Variants in SCGB2B2 observed in about 807,000 individuals in gnomAD.
SCGB2B2 encodes the protein secretoglobin family 2B member 2.
In SCGB2B2, 11 loss-of-function variants were observed where a neutral mutation model predicts 7.6. The ratio of observed to expected loss-of-function variants is 1.45; its 90% CI spans 0.91 to 2.40. The LOEUF (loss-of-function observed/expected upper bound fraction) is 2.40. Ranked by LOEUF, SCGB2B2 falls within the 30% of genes most tolerant of loss-of-function variation. SCGB2B2 has a pLI of 0.00. For synonymous variants in SCGB2B2, 50 were observed against 48.6 expected (o/e 1.03, Z -0.12); for missense variants, 104 against 115.4 (o/e 0.90, Z 0.45).
Position 34,594,501 on chromosome 19 carries a change from A to G in SCGB2B2, c.61+2T>C, listed in dbSNP as rs570664315. The G allele has an allele frequency of 1.1e-4, 173 of 1,613,734 alleles. No individual in the cohort carries two copies. The highest frequency in any genetic ancestry group is 1.4e-4 in the Non-Finnish European group (167 of 1,179,902). On this transcript the variant is annotated splice_donor_variant, in intron 2 of 3. Transcript: ENST00000601241. LOFTEE classifies it high-confidence loss of function. ...TCCCAGCCCTGCTCGCCTCTTTCTT[A>G]CCCAGCTGGACGCTGCAGATCAGAG...
chr19:34,635,045 G>T, intron 1 of SCGB2B2: 1 of 290,440 alleles, frequency 3.4e-6, no homozygotes, highest in Non-Finnish European at 7.2e-6. Flanking sequence ...CTCCAATGCC[G>T]AGCAAGTGTG....
rs1159738887 is a variant in SCGB2B2, at chr19:34,642,851, C to T, written c.-2032+32779G>A. 4.2e-5 allele frequency among the ~76,000 whole-genome samples: 6 copies of T among 142,636 alleles called. No individual in the cohort carries two copies. The East Asian group carries it at 1.1e-3, about 25-fold the overall frequency. 93.6% of individuals were successfully genotyped at this position (142,636 alleles called of 152,430 possible). On this transcript the variant is annotated intron_variant, in intron 1 of 3. Coordinates refer to ENST00000601241, the MANE Select transcript of SCGB2B2 (RefSeq NM_001025591.4). Reference sequence around the variant, plus strand: ...TTATCAGAGAAATACAAATAAAAAACAATGCAATATCACTTCACCCAAGTT... The same window carrying T: ...TTATCAGAGAAATACAAATAAAAAATAATGCAATATCACTTCACCCAAGTT...
intron 1 of SCGB2B2, among the ~76,000 whole-genome samples, chr19:34,624,736 C>T (rs1162816867): frequency 1.3e-5 from 2 of 152,132 alleles, no homozygotes; most frequent in Non-Finnish European, 2.9e-5. Context: ...CTTCCAGCCC[C>T]ACATGATGGC....
In SCGB2B2 at chr19:34,596,130, T is replaced by G. The variant is rs565372236; in HGVS notation, c.-1567A>C. The stretch of plus-strand genomic sequence containing the variant: ...GGCCTCTTAAAGGACCTACCCAGCA[T>G]TGGGTAGGACTTAGAGTGGCCGTCA... On this transcript the variant is annotated 5_prime_UTR_variant, in exon 2 of 4. It removes an upstream start codon present in the reference 5' UTR. Coordinates refer to ENST00000601241, the MANE Select transcript of SCGB2B2 (RefSeq NM_001025591.4). 3.3e-5 allele frequency: 5 copies of G among 152,280 alleles called. No individual in the cohort carries two copies. In the East Asian group the frequency reaches 9.7e-4, roughly 29 times the overall value. 9.4% of individuals were successfully genotyped at this position (152,280 alleles called of 1,614,324 possible).
chr19:34,618,291 T>A (rs2066145401), intron 1 of SCGB2B2, among the ~76,000 whole-genome samples: 1 of 152,252 alleles, frequency 6.6e-6, no homozygotes, highest in Admixed American at 6.5e-5. Context: ...CTTAACTAGT[T>A]TGACCATAAT....
intron 1 of SCGB2B2, among the ~76,000 whole-genome samples, chr19:34,604,990 GAA>G (rs1315401229): frequency 2.0e-5 from 3 of 152,204 alleles, no homozygotes; most frequent in Non-Finnish European, 4.4e-5. Context: ...CATCTCTTAT[GAA>G]AGTTTCCTTG....
rs1208189589 is a variant in SCGB2B2 at position 34,593,601 on chromosome 19, T to C, written c.247-2A>G. 2 of 1,552,186 alleles carry C rather than the reference T, an allele frequency of 1.3e-6. No homozygotes were observed. Among genetic ancestry groups the C allele is most frequent in the East Asian group, 2.4e-5 (1 of 41,092 alleles). Reference sequence around the variant, plus strand: ...ATCGTTGCTCTGAAGGATCTTCTTCTGTTGGAAAAAGAAGAAAGAGAGGAG... The same window carrying C: ...ATCGTTGCTCTGAAGGATCTTCTTCCGTTGGAAAAAGAAGAAAGAGAGGAG... On this transcript the variant is annotated splice_acceptor_variant, in intron 3 of 3. Transcript: ENST00000601241. LOFTEE classifies it high-confidence loss of function.
intron 1 of SCGB2B2, among the ~76,000 whole-genome samples, chr19:34,631,795 A>C (rs1489312077): frequency 6.6e-6 from 1 of 152,198 alleles, no homozygotes; most frequent in Non-Finnish European, 1.5e-5. Context: ...CGAAGAACTT[A>C]GAAAAGCCAA....
At chr19:34,602,164 A>C (rs2065645074) in intron 1 of SCGB2B2, among the ~76,000 whole-genome samples, 1 of 152,152 alleles carries the variant, frequency 6.6e-6, no homozygotes, top group African/African-American at 2.4e-5. Context: ...AAAGATGATG[A>C]ATTTTAGAAC....
chr19:34,621,076 G>T (rs1041146199), intron 1 of SCGB2B2, among the ~76,000 whole-genome samples: 1 of 152,156 alleles, frequency 6.6e-6, no homozygotes, highest in African/African-American at 2.4e-5. Flanking sequence ...GATTAAAGTC[G>T]CATGAAGTAA....
chr19:34,607,581 T>G (rs940385578), intron 1 of SCGB2B2, among the ~76,000 whole-genome samples: 3 of 152,240 alleles, frequency 2.0e-5, no homozygotes, highest in Non-Finnish European at 2.9e-5. Flanking sequence ...TGCACAAGGG[T>G]TCCAATTTCT....
At chr19:34,608,648 A>G (rs2065842581) in intron 1 of SCGB2B2, 1 of 65,406 alleles carries the variant, frequency 1.5e-5, no homozygotes. Context: ...TTTTATGGCT[A>G]GTGTCTCATT....
At chr19:34,669,469 A>G (rs1327334192) in intron 1 of SCGB2B2, among the ~76,000 whole-genome samples, 4 of 152,190 alleles carry the variant, frequency 2.6e-5, no homozygotes, top group Admixed American at 1.3e-4. Context: ...GTGCAGACAC[A>G]TGTTTGCCAA....
intron 1 of SCGB2B2, among the ~76,000 whole-genome samples, chr19:34,625,627 C>T (rs1204712575): frequency 3.9e-5 from 6 of 152,180 alleles, no homozygotes; most frequent in Admixed American, 2.6e-4. Context: ...CCAGGAAGCT[C>T]GAACTGGGTG....
chr19:34,646,526 C>T (rs1009977641), intron 1 of SCGB2B2: 1 of 152,448 alleles, frequency 6.6e-6, no homozygotes, highest in Non-Finnish European at 1.5e-5. Flanking sequence ...CTGGGATCCC[C>T]AAGAAATGGA....
At chr19:34,624,546 A>G (rs1366838919) in intron 1 of SCGB2B2, among the ~76,000 whole-genome samples, 1 of 152,218 alleles carries the variant, frequency 6.6e-6, no homozygotes, top group Non-Finnish European at 1.5e-5. Context: ...CTCCCTCAAC[A>G]TAGCATACAA....
At chr19:34,614,150 T>C (rs2066006740) in intron 1 of SCGB2B2, among the ~76,000 whole-genome samples, 1 of 152,202 alleles carries the variant, frequency 6.6e-6, no homozygotes, top group South Asian at 2.1e-4. Context: ...GTCCATTCTC[T>C]CTCCAGACTT....
chr19:34,642,156 A>G (rs2066861047), intron 1 of SCGB2B2, among the ~76,000 whole-genome samples: 1 of 152,210 alleles, frequency 6.6e-6, no homozygotes, highest in Non-Finnish European at 1.5e-5. Context: ...AATTTAGTTG[A>G]GCAGACGATA....
At chr19:34,612,022 CTTTTTTTTTTTTTTTTT>C (rs753968261) in intron 1 of SCGB2B2, among the ~76,000 whole-genome samples, 2 of 41,774 alleles carry the variant, frequency 4.8e-5, no homozygotes, top group African/African-American at 1.1e-4. Flanking sequence ...TTAGAAAATT[CTTTTTTTTTTTTTTTTT>C]TTTTTTTTTT....
Sources: allele counts gnomAD v4.1 joint callset (sites outside exome capture counted in the v4.1 genomes callset), GRCh38; gene constraint gnomAD v4.1.1; transcripts MANE v1.5; gene names NCBI Gene and HGNC (gene_info 2026-07-23, HGNC 2026-07-21).